Variants in ARHGAP15 observed in about 807,000 individuals in gnomAD.
The protein encoded by ARHGAP15 is Rho GTPase activating protein 15.
Under a neutral mutation model 63.7 loss-of-function variants are expected in ARHGAP15, and 51 were observed. The ratio of observed to expected loss-of-function variants is 0.80; its 90% CI spans 0.64 to 1.01. ARHGAP15 has a LOEUF of 1.01. ARHGAP15 is among the 50% of genes least tolerant of loss of function. ARHGAP15 has a pLI of 0.00. For synonymous variants in ARHGAP15, 191 were observed against 193.8 expected (o/e 0.99, Z 0.12); for missense variants, 560 against 564.6 (o/e 0.99, Z 0.08).
intron 8 of ARHGAP15, among the ~76,000 whole-genome samples, chr2:143,457,472 TAC>T (rs2105149118): frequency 6.6e-6 from 1 of 151,868 alleles, no homozygotes; most frequent in South Asian, 2.1e-4. Flanking sequence ...AGTTTGAGGT[TAC>T]AGTGATTATG....
intron 9 of ARHGAP15, among the ~76,000 whole-genome samples, chr2:143,508,725 T>A (rs13410550): frequency 7.0e-6 from 1 of 141,896 alleles, no homozygotes; most frequent in African/African-American, 2.7e-5. Flanking sequence ...AAGAATTTCA[T>A]GCGCACAGTG....
chr2:143,261,065 A>G (rs1315332124), intron 6 of ARHGAP15, among the ~76,000 whole-genome samples: 1 of 152,190 alleles, frequency 6.6e-6, no homozygotes, highest in Non-Finnish European at 1.5e-5. Flanking sequence ...CCTTGTAGCT[A>G]TGGTCAGGAT....
rs58153000 is a variant in ARHGAP15 at position 143,373,629 on chromosome 2, CAAAAAAA to C, written c.475-61947_475-61941del. Among the ~76,000 whole-genome samples the C allele has an allele frequency of 5.6e-3, 353 of 62,960 alleles. 5 individuals are homozygous for C. The highest frequency in any genetic ancestry group is 0.018 in the African/African-American group (339 of 19,292). 41.3% of individuals were successfully genotyped at this position (62,960 alleles called of 152,430 possible). A position where few individuals can be genotyped will look rare whatever the true frequency, so the allele number is the denominator to read the frequency against. On this transcript the variant is annotated intron_variant, in intron 6 of 13. Coordinates refer to ENST00000295095, the MANE Select transcript of ARHGAP15 (RefSeq NM_018460.4). ...TGGGTGAGAGAGCCAGACTCTATCTCAAAAAAAAAAAAAAAAAAAAAAAAAAAAAAAC... is the reference window on the plus strand; with the variant it reads ...TGGGTGAGAGAGCCAGACTCTATCTCAAAAAAAAAAAAAAAAAAAAAAAAC...
intron 13 of ARHGAP15, among the ~76,000 whole-genome samples, chr2:143,751,304 G>A (rs1574927219): frequency 6.6e-6 from 1 of 152,160 alleles, no homozygotes; most frequent in Admixed American, 6.5e-5. Context: ...GAGTCCCCTG[G>A]GGTGAGGTGG....
At chr2:143,368,052 GCATATATGCTAA>G (rs1686372508) in intron 6 of ARHGAP15, among the ~76,000 whole-genome samples, 2 of 152,146 alleles carry the variant, frequency 1.3e-5, no homozygotes, top group South Asian at 4.1e-4. Flanking sequence ...AGAAAGTGGT[GCATATATGCTAA>G]CATCATTAAT....
At chr2:143,447,280 AATTTT>A (rs1362252945) in intron 8 of ARHGAP15, among the ~76,000 whole-genome samples, 1 of 152,184 alleles carries the variant, frequency 6.6e-6, no homozygotes, top group Non-Finnish European at 1.5e-5. Flanking sequence ...GATTTTATTT[AATTTT>A]AATGTTTAAA....
intron 11 of ARHGAP15, among the ~76,000 whole-genome samples, chr2:143,618,599 C>A (rs1698530918): frequency 6.6e-6 from 1 of 152,178 alleles, no homozygotes; most frequent in South Asian, 2.1e-4. Flanking sequence ...TTTAAAAGTG[C>A]TATGAAAACT....
chr2:143,303,511 A>C (rs911704355), intron 6 of ARHGAP15, among the ~76,000 whole-genome samples: 2 of 151,974 alleles, frequency 1.3e-5, no homozygotes, highest in South Asian at 2.1e-4. Flanking sequence ...AACCATAAAA[A>C]CTCTAGAAGA....
At chr2:143,657,184 A>C (rs2105312870) in intron 12 of ARHGAP15, among the ~76,000 whole-genome samples, 1 of 152,184 alleles carries the variant, frequency 6.6e-6, no homozygotes, top group South Asian at 2.1e-4. Flanking sequence ...CTCTCTACTA[A>C]AAATCCAAAA....
intron 6 of ARHGAP15, among the ~76,000 whole-genome samples, chr2:143,419,446 C>T (rs1195566445): frequency 4.5e-5 from 1 of 22,454 alleles, no homozygotes; most frequent in East Asian, 2.0e-3. Context: ...CATGCTTATG[C>T]AGCGTGGGTT....
intron 8 of ARHGAP15, among the ~76,000 whole-genome samples, chr2:143,443,241 G>T (rs932588452): frequency 1.3e-5 from 2 of 152,012 alleles, no homozygotes; most frequent in African/African-American, 4.8e-5. Context: ...ATAATAAGAT[G>T]AACAAACCAT....
chr2:143,318,439 C>A (rs1162992130), intron 6 of ARHGAP15, among the ~76,000 whole-genome samples: 1 of 144,580 alleles, frequency 6.9e-6, no homozygotes, highest in Non-Finnish European at 1.5e-5. Context: ...GCAGTCTTGG[C>A]AATTATGAAT....
intron 2 of ARHGAP15, among the ~76,000 whole-genome samples, chr2:143,165,923 C>T (rs1288030082): frequency 1.5e-5 from 1 of 65,896 alleles, no homozygotes; most frequent in Non-Finnish European, 3.2e-5. Flanking sequence ...ATGCCTTTAA[C>T]GTCAAGAAAG....
At chr2:143,242,455 A>C (rs1312899057) in intron 5 of ARHGAP15, among the ~76,000 whole-genome samples, 1 of 152,256 alleles carries the variant, frequency 6.6e-6, no homozygotes, top group Non-Finnish European at 1.5e-5. Context: ...GTTGAGAAAT[A>C]TAATCATTAT....
rs1298616218 is a variant in ARHGAP15 at position 143,647,361 on chromosome 2, A to T, written c.1138+23094A>T. Among the ~76,000 whole-genome samples the T allele has an allele frequency of 5.6e-3, 246 of 43,754 alleles. 1 individual carries two copies. The highest frequency in any genetic ancestry group is 0.017 in the African/African-American group (234 of 13,746). 28.7% of individuals were successfully genotyped at this position (43,754 alleles called of 152,430 possible). ...TAATTAGGATATCACCAAGTAGTTA[A>T]AAAAAAAAAAAAAAAGAACATAAAA... On this transcript the variant is annotated intron_variant, in intron 12 of 13. Transcript: ENST00000295095.
intron 12 of ARHGAP15, among the ~76,000 whole-genome samples, chr2:143,697,499 CA>C (rs1381782458): frequency 6.6e-6 from 1 of 152,112 alleles, no homozygotes; most frequent in Non-Finnish European, 1.5e-5. Context: ...GCAACTTGCC[CA>C]AAATCATACA....
intron 6 of ARHGAP15, among the ~76,000 whole-genome samples, chr2:143,298,639 A>G (rs1208936362): frequency 6.6e-6 from 1 of 151,986 alleles, no homozygotes; most frequent in African/African-American, 2.4e-5. Flanking sequence ...TACTACTTTT[A>G]GGAAAAGATT....
At chr2:143,221,775 C>T (rs1467394613) in intron 4 of ARHGAP15, among the ~76,000 whole-genome samples, 1 of 152,098 alleles carries the variant, frequency 6.6e-6, no homozygotes, top group East Asian at 1.9e-4. Context: ...CTTAGATGGA[C>T]ATAGAAAGAT....
intron 6 of ARHGAP15, among the ~76,000 whole-genome samples, chr2:143,428,140 T>C (rs1689212654): frequency 6.6e-6 from 1 of 152,016 alleles, no homozygotes; most frequent in South Asian, 2.1e-4. Flanking sequence ...CTTGGGGGAA[T>C]ATCTATTTCA....
Sources: gnomAD v4.1 joint callset for allele counts (sites outside exome capture counted in the v4.1 genomes callset) on GRCh38, gnomAD v4.1.1 for gene constraint, MANE v1.5 for transcripts, NCBI Gene and HGNC (gene_info 2026-07-23, HGNC 2026-07-21) for gene names.